KIF21B: variants seen among roughly 807,000 people sequenced by gnomAD.
The protein encoded by KIF21B is kinesin family member 21B, also known as kinesin-like protein KIF21B.
Under a neutral mutation model 192.9 loss-of-function variants are expected in KIF21B, and 85 were observed. The observed-to-expected ratio is 0.44, with a 90% CI of 0.37 to 0.53. The LOEUF (loss-of-function observed/expected upper bound fraction) is 0.53. Ranked by LOEUF, KIF21B falls within the 20% of genes least tolerant of loss-of-function variation. KIF21B has a pLI of 0.00. For missense variants in KIF21B, 1,716 were observed against 2,194.8 expected (o/e 0.78, Z 4.36); for synonymous variants, 832 against 884.6 (o/e 0.94, Z 1.05).
At position 200,986,970 on chromosome 1, in the gene KIF21B, A is replaced by G. The variant is rs200502878; in HGVS notation, c.3614+26T>C. On this transcript the variant is annotated intron_variant, in intron 25 of 34. Coordinates refer to ENST00000461742, the MANE Select transcript of KIF21B (RefSeq NM_001252102.2). ...CAGACCCAACTCCACCTCCACTCCAACCCACATTCCTGCTCCCATCCTTAC... is the reference window on the plus strand; with the variant it reads ...CAGACCCAACTCCACCTCCACTCCAGCCCACATTCCTGCTCCCATCCTTAC... The G allele has an allele frequency of 2.5e-6, 4 of 1,612,722 alleles. No homozygotes were observed. The Admixed American group carries it at 6.7e-5, about 27-fold the overall frequency.
At position 200,969,592 on chromosome 1, in the gene KIF21B, A is replaced by G. The variant is rs1397869575; in HGVS notation, c.*3929T>C. On this transcript the variant is annotated 3_prime_UTR_variant, in exon 35 of 35. Transcript: ENST00000461742. ...ATGAAGCCTGCAGCCTGGGCAGGAC[A>G]TGATTGCTAGAAAAGAGTTGGTGGG... 1 of 152,790 alleles carries G rather than the reference A, an allele frequency of 6.5e-6. No individual in the cohort carries two copies. The allele number at this position is 152,790 out of a possible 1,614,324, so 9.5% of individuals were successfully genotyped here.
In KIF21B at chr1:200,990,969, G is replaced by GGTT. The variant is rs1656650954; in HGVS notation, c.2632_2634dup (p.Asn878dup). On this transcript the variant is annotated inframe_insertion, in exon 18 of 35. Coordinates refer to ENST00000461742, the MANE Select transcript of KIF21B (RefSeq NM_001252102.2). This position sits in a 1 kb window ranked among gnomAD's most constrained non-coding sequence, Gnocchi z 5.4. ...GGCGCAGGATGGTCCCCCAAGAAGT[G>GGTT]GTTGATTTTGCGGTTCCACTGGCGC... is the stretch of plus-strand genomic sequence containing the variant. The GGTT allele has an allele frequency of 6.2e-7, 1 of 1,614,182 alleles. No homozygotes were observed. Among genetic ancestry groups the GGTT allele is most frequent in the Non-Finnish European group, 8.5e-7 (1 of 1,180,056 alleles).
rs1171306916 is a variant in KIF21B, at chr1:200,977,199, G to T, written c.4325+13C>A. The T allele has an allele frequency of 6.2e-7, 1 of 1,604,274 alleles. No homozygotes were observed. On this transcript the variant is annotated intron_variant, in intron 31 of 34. Coordinates refer to ENST00000461742, the MANE Select transcript of KIF21B (RefSeq NM_001252102.2). ...ATGCCAAACCCTCCTCCCTCCCCAG[G>T]TATCACGCTGACCTGCTAAGCTCCC... is the stretch of plus-strand genomic sequence containing the variant.
At chr1:200,981,133 G>A in intron 28 of KIF21B, 37 bp from the exon 29 acceptor site, 1 of 1,565,908 alleles carries the variant, frequency 6.4e-7, no homozygotes, top group Non-Finnish European at 8.6e-7. Context: ...ATGCTCGTCA[G>A]CCAGGGAGAC....
chr1:200,976,965 C>A lies in KIF21B; in HGVS notation c.4326-72G>T. 2.5e-6 allele frequency: 3 copies of A among 1,220,192 alleles called. No homozygotes were observed. The South Asian group carries it at 4.1e-5, about 16-fold the overall frequency. The allele number at this position is 1,220,192 out of a possible 1,614,324, so 75.6% of individuals were successfully genotyped here. A position where few individuals can be genotyped will look rare whatever the true frequency, so the allele number is the denominator to read the frequency against. On this transcript the variant is annotated intron_variant, in intron 31 of 34. Transcript: ENST00000461742. ...CCCTGGGTTGGGGTGGGGTGTCTGC[C>A]CCAAAACAAATAGGCCTGGTCAGGG...
chr1:200,980,222 G>A (rs560678542), intron 29 of KIF21B, among the ~76,000 whole-genome samples: 149 of 152,096 alleles, frequency 9.8e-4, no homozygotes, highest in Non-Finnish European at 1.8e-3. Context: ...TCTTTCTGTC[G>A]GTAAAATGAA....
rs751695750 is a variant in KIF21B, at chr1:201,003,545, C to G, written c.1212+41G>C. 5.6e-6 allele frequency: 9 copies of G among 1,605,880 alleles called. No homozygotes were observed. The Admixed American group carries it at 1.2e-4, about 21-fold the overall frequency. On this transcript the variant is annotated intron_variant, in intron 8 of 34. Transcript: ENST00000461742. The stretch of plus-strand genomic sequence containing the variant: ...GCAGAGGGTGCATATGGAGCACTAG[C>G]TCCAAGGGGAGTGCTGGGCAATGCC...
rs539017657 is a variant in KIF21B at position 201,020,202 on chromosome 1, G to T, written c.41+3141C>A. ...ACTGAGGTCTCCCCTCATGGTGGGGGCTCAGAGCTGGGGACTTGAAAGGGT... is the reference window on the plus strand; with the variant it reads ...ACTGAGGTCTCCCCTCATGGTGGGGTCTCAGAGCTGGGGACTTGAAAGGGT... On this transcript the variant is annotated intron_variant, in intron 1 of 34. Transcript: ENST00000461742. 1.1e-4 allele frequency among the ~76,000 whole-genome samples: 16 copies of T among 152,356 alleles called. No individual in the cohort carries two copies. In the East Asian group the frequency reaches 3.1e-3, roughly 29 times the overall value.
At chr1:201,016,313 G>T (rs1159108084) in intron 1 of KIF21B, among the ~76,000 whole-genome samples, 1 of 152,234 alleles carries the variant, frequency 6.6e-6, no homozygotes, top group African/African-American at 2.4e-5. Context: ...CTGTCTGCTG[G>T]GAAAGCGTTT....
chr1:201,009,610 CT>C, intron 1 of KIF21B, 122 bp from the exon 2 acceptor site: 2 of 922,282 alleles, frequency 2.2e-6, no homozygotes, highest in Non-Finnish European at 3.2e-6. Flanking sequence ...AGGAAGGAAG[CT>C]TAGGTGACCC....
chr1:201,022,374 A>G (rs1237924515), intron 1 of KIF21B, among the ~76,000 whole-genome samples: 3 of 152,142 alleles, frequency 2.0e-5, no homozygotes, highest in African/African-American at 7.2e-5. Flanking sequence ...CCACATCCCT[A>G]CCTTGGTGAG....
chr1:200,987,414 A>ATT (rs11414985), intron 24 of KIF21B, among the ~76,000 whole-genome samples: 1 of 151,404 alleles, frequency 6.6e-6, no homozygotes, highest in Non-Finnish European at 1.5e-5. Context: ...ATAATTAAAA[A>ATT]TTTTTTTTCT....
rs754996808 is a variant in KIF21B at position 201,000,467 on chromosome 1, A to G, written c.1608T>C (p.Asp536=). The stretch of plus-strand genomic sequence containing the variant: ...TGGCCCTGCGGATCACCTCCGAGGC[A>G]TCCTCCATGGAGCTGGCAGGGCTGC... ...FGGSPASSME[D]ASEVIRRAKQ... is the part of the protein sequence containing the mutation. The change falls in exon 11 of 35, where the codon GAT becomes GAC. Residue 536 remains aspartate (D), a synonymous_variant. Coordinates refer to ENST00000461742, the MANE Select transcript of KIF21B (RefSeq NM_001252102.2). The surrounding 1 kb of genome is among the most constrained non-coding windows in gnomAD (Gnocchi z 6.0). 73 of 1,599,346 alleles carry G rather than the reference A, an allele frequency of 4.6e-5. No individual in the cohort carries two copies. The highest frequency in any genetic ancestry group is 6.1e-5 in the Non-Finnish European group (71 of 1,173,048).
chr1:200,983,177 G>A (rs879235763), intron 27 of KIF21B, 83 bp from the exon 28 acceptor site: 8 of 1,165,090 alleles, frequency 6.9e-6, no homozygotes, highest in South Asian at 5.2e-5. Context: ...CAGTGTGTGG[G>A]GTGGTCAGAG....
chr1:201,004,257 C>G, intron 7 of KIF21B, 83 bp downstream of exon 7: 1 of 1,188,710 alleles, frequency 8.4e-7, no homozygotes, highest in Non-Finnish European at 1.2e-6. Context: ...CTGGGGCAGG[C>G]TTGCGCCATA....
chr1:201,009,301 C>A lies in KIF21B; in HGVS notation c.229G>T (p.Glu77Ter). The A allele has an allele frequency of 1.9e-6, 3 of 1,614,264 alleles. No homozygotes were observed. The highest frequency in any genetic ancestry group is 2.5e-6 in the Non-Finnish European group (3 of 1,180,046). The change falls in exon 2 of 35, where the codon GAG (glutamate) becomes TAG (stop). Residue 77 changes from glutamate to a stop codon, truncating the protein, a stop_gained. Coordinates refer to ENST00000461742, the MANE Select transcript of KIF21B (RefSeq NM_001252102.2). LOFTEE classifies it high-confidence loss of function. Reference sequence around the variant, plus strand: ...GCCAGCACCGTGGCATTATAGCCCTCGAAGCAGCCCTCGATGAGCTTGCTC... The same window carrying A: ...GCCAGCACCGTGGCATTATAGCCCTAGAAGCAGCCCTCGATGAGCTTGCTC... Reference protein sequence around the residue: ...CVSKLIEGCFEGYNATVLAYG... With the variant: ...CVSKLIEGCF
Position 200,986,859 on chromosome 1 carries a change from C to G in KIF21B, c.3674G>C (p.Arg1225Pro), listed in dbSNP as rs747677870. Residue 1225 changes from arginine (R) to proline (P), a missense_variant, in exon 26 of 35, where the codon CGA (arginine) becomes CCA (proline). Physicochemically the swap from Arg to Pro is moderately radical, Grantham distance 103. Transcript: ENST00000461742. ...ATGATCTCACCTAATGGGCTGCCCT[C>G]GGTCGTAGGACTTCCTTCTCGTCAG... Reference protein sequence around the residue: ...SPLTRRKSYDRGQPIRSTDVG... With the variant: ...SPLTRRKSYDPGQPIRSTDVG... The G allele has an allele frequency of 6.2e-7, 1 of 1,613,476 alleles. No homozygotes were observed. Among genetic ancestry groups the G allele is most frequent in the Non-Finnish European group, 8.5e-7 (1 of 1,179,646 alleles).
rs958479871 is a variant in KIF21B at position 200,974,208 on chromosome 1, G to C, written c.4814+506C>G. On this transcript the variant is annotated intron_variant, in intron 34 of 34. Coordinates refer to ENST00000461742, the MANE Select transcript of KIF21B (RefSeq NM_001252102.2). ...ACCCGGCAGTCACTGTGTGGGGAGA[G>C]AGGCGAGGACAGAGAGGAGAGGTGG... is the stretch of plus-strand genomic sequence containing the variant. 6 of 1,541,286 alleles carry C rather than the reference G, an allele frequency of 3.9e-6. No homozygotes were observed. The African/African-American group carries it at 8.3e-5, about 21-fold the overall frequency.
intron 8 of KIF21B, 81 bp downstream of exon 8, chr1:201,003,505 G>A (rs746704615): frequency 3.5e-6 from 5 of 1,423,520 alleles, no homozygotes; most frequent in South Asian, 1.2e-5. Flanking sequence ...GAGGAAGTTA[G>A]GGTGAGGCTG....
Sources: gnomAD v4.1 joint callset for allele counts (sites outside exome capture counted in the v4.1 genomes callset) on GRCh38, gnomAD v4.1.1 for gene constraint, Gnocchi (gnomAD v3.1) non-coding constraint, MANE v1.5 for transcripts, NCBI Gene and HGNC (gene_info 2026-07-23, HGNC 2026-07-21) for gene names.